Variants in TMX4 observed in about 807,000 individuals in gnomAD.
TMX4 encodes the protein thioredoxin-related transmembrane protein 4.
A neutral mutation model predicts 33.3 loss-of-function variants in TMX4; 23 were observed. The observed-to-expected ratio is 0.69, with a 90% CI of 0.50 to 0.98. The LOEUF (loss-of-function observed/expected upper bound fraction) is 0.98, where lower values mean the gene tolerates loss of function less well. Among genes scored for constraint, TMX4 ranks in the 50% least tolerant of loss-of-function variants. The pLI is 0.00. For missense variants in TMX4, 399 were observed against 448.9 expected (o/e 0.89, Z 1.01); for synonymous variants, 164 against 161.5 (o/e 1.02, Z -0.12).
chr20:7,999,993 A>G, intron 3 of TMX4, 133 bp from the exon 4 acceptor site: 3 of 904,330 alleles, frequency 3.3e-6, no homozygotes, highest in Middle Eastern at 5.9e-4. Flanking sequence ...TGAAAAATAT[A>G]CATAGAGATA....
At position 8,018,524 on chromosome 20, in the gene TMX4, G is replaced by GCTC. The variant is rs767056731; in HGVS notation, c.176+913_176+914insGAG. ...AGAGAGAGAGAGAGAGAGAGAGAGAGAGAGTCTGCAAGCCCACCATGATGG... is the reference window on the plus strand; with the variant it reads ...AGAGAGAGAGAGAGAGAGAGAGAGAGCTCAGAGTCTGCAAGCCCACCATGATGG... On this transcript the variant is annotated intron_variant, in intron 1 of 7. Transcript: ENST00000246024. Among the ~76,000 whole-genome samples, 19 of 45,334 alleles carry GCTC rather than the reference G, an allele frequency of 4.2e-4. 5 individuals carry two copies. The highest frequency in any genetic ancestry group is 3.1e-3 in the African/African-American group (11 of 3,532). 29.7% of individuals were successfully genotyped at this position (45,334 alleles called of 152,430 possible). A position where few individuals can be genotyped will look rare whatever the true frequency, so the allele number is the denominator to read the frequency against.
At chr20:7,986,685 GATAA>G (rs1309729832) in intron 6 of TMX4, among the ~76,000 whole-genome samples, 1 of 152,152 alleles carries the variant, frequency 6.6e-6, no homozygotes, top group Non-Finnish European at 1.5e-5. Context: ...TATGTAGTTA[GATAA>G]ATAAATTTAT....
chr20:8,017,325 CT>C (rs1301169355), intron 1 of TMX4, among the ~76,000 whole-genome samples: 2 of 152,302 alleles, frequency 1.3e-5, no homozygotes, highest in African/African-American at 4.8e-5. Context: ...CTAAAATGAC[CT>C]TGTGTCTACA....
At chr20:7,988,707 T>G (rs1011011291) in intron 5 of TMX4, among the ~76,000 whole-genome samples, 1 of 152,194 alleles carries the variant, frequency 6.6e-6, no homozygotes, top group Non-Finnish European at 1.5e-5. Flanking sequence ...CATCAGTGTG[T>G]GTTTAGCCAG....
intron 2 of TMX4, among the ~76,000 whole-genome samples, chr20:8,002,430 A>T (rs1423085075): frequency 6.6e-6 from 1 of 152,216 alleles, no homozygotes; most frequent in African/African-American, 2.4e-5. Context: ...ATGCAAAAAA[A>T]TGCTGAATGA....
intron 1 of TMX4, among the ~76,000 whole-genome samples, chr20:8,013,289 C>T (rs1258057181): frequency 3.3e-5 from 5 of 152,172 alleles, no homozygotes; most frequent in Admixed American, 6.5e-5. Flanking sequence ...CCTGCCATAA[C>T]TTTGTCTCTT....
chr20:7,987,146 C>G (rs1019529623), intron 6 of TMX4, 142 bp downstream of exon 6: 10 of 616,444 alleles, frequency 1.6e-5, no homozygotes, highest in Non-Finnish European at 2.8e-5. Flanking sequence ...TGAAAGCAGT[C>G]TCAAACAAGC....
chr20:8,011,531 CA>C, intron 1 of TMX4, among the ~76,000 whole-genome samples: 1 of 149,992 alleles, frequency 6.7e-6, no homozygotes, highest in Non-Finnish European at 1.5e-5. Flanking sequence ...AATAACAAAA[CA>C]AAAAACAAAA....
rs79221300 is a variant in TMX4, at chr20:8,009,622, T to C, written c.292+578A>G. On this transcript the variant is annotated intron_variant, in intron 2 of 7. Transcript: ENST00000246024. ...ATCTTAGAAGTACTCTTGCCATAAA[T>C]GTCTAAGCTAAATCATGCACCTAAA... is the stretch of plus-strand genomic sequence containing the variant. Among the ~76,000 whole-genome samples the C allele has an allele frequency of 3.0e-3, 450 of 152,238 alleles. 1 individual carries two copies. The highest frequency in any genetic ancestry group is 0.01 in the African/African-American group (432 of 41,564).
chr20:7,977,886 G>C lies in TMX4; in HGVS notation c.*4365C>G, dbSNP rs1288004011. 2 of 152,176 alleles carry C rather than the reference G, an allele frequency of 1.3e-5. No homozygotes were observed. The highest frequency in any genetic ancestry group is 4.8e-5 in the African/African-American group (2 of 41,448). 9.4% of individuals were successfully genotyped at this position (152,176 alleles called of 1,614,324 possible). ...TTACTGAGAATAAGCCATCTGAAGG[G>C]CATGTCCCGGGCTGAAGCGATCAAA... On this transcript the variant is annotated 3_prime_UTR_variant, in exon 8 of 8. Transcript: ENST00000246024.
At position 7,985,987 on chromosome 20, in the gene TMX4, C is replaced by T. The variant is rs2050629553; in HGVS notation, c.615+1301G>A. 2.0e-5 allele frequency among the ~76,000 whole-genome samples: 3 copies of T among 152,326 alleles called. No homozygotes were observed. The South Asian group carries it at 6.2e-4, about 32-fold the overall frequency. ...CACACACAACCTACATTCCCTATAACTCCATCATTGACTCGCCTGGGACCT... is the reference window on the plus strand; with the variant it reads ...CACACACAACCTACATTCCCTATAATTCCATCATTGACTCGCCTGGGACCT... On this transcript the variant is annotated intron_variant, in intron 6 of 7. Coordinates refer to ENST00000246024, the MANE Select transcript of TMX4 (RefSeq NM_021156.4).
At position 7,979,759 on chromosome 20, in the gene TMX4, T is replaced by C. The variant is rs1484549642; in HGVS notation, c.*2492A>G. ...TCTCAAAAAAAAAAAAAAAAGAAAA[T>C]ACATTTTTCTTATTATATAATTAGA... On this transcript the variant is annotated 3_prime_UTR_variant, in exon 8 of 8. Transcript: ENST00000246024. 7.0e-6 allele frequency: 1 copy of C among 143,738 alleles called. No individual in the cohort carries two copies. The highest frequency in any genetic ancestry group is 2.6e-5 in the African/African-American group (1 of 38,826). 8.9% of individuals were successfully genotyped at this position (143,738 alleles called of 1,614,324 possible).
intron 1 of TMX4, among the ~76,000 whole-genome samples, chr20:8,018,338 AGAGAG>A (rs1248312399): frequency 6.1e-5 from 7 of 114,048 alleles, no homozygotes; most frequent in African/African-American, 2.4e-4. Context: ...AGAGAGAGAG[AGAGAG>A]AGGAGGGAGA....
At chr20:7,993,882 TC>T (rs900559912) in intron 5 of TMX4, among the ~76,000 whole-genome samples, 2 of 152,004 alleles carry the variant, frequency 1.3e-5, no homozygotes, top group African/African-American at 4.8e-5. Flanking sequence ...CACCCTACAA[TC>T]AGGACAAATG....
intron 5 of TMX4, among the ~76,000 whole-genome samples, chr20:7,994,477 T>C (rs988471156): frequency 6.6e-6 from 1 of 152,202 alleles, no homozygotes; most frequent in Non-Finnish European, 1.5e-5. Flanking sequence ...TGTAACTCCT[T>C]ATTTAAACTT....
In TMX4 at chr20:7,979,893, C is replaced by T. The variant is rs1258268901; in HGVS notation, c.*2358G>A. 6.6e-6 allele frequency: 1 copy of T among 151,696 alleles called. No individual in the cohort carries two copies. Among genetic ancestry groups the T allele is most frequent in the African/African-American group, 2.4e-5 (1 of 41,254 alleles). 9.4% of individuals were successfully genotyped at this position (151,696 alleles called of 1,614,324 possible). ...ATAATGAGGTATCTTGGGAGTAGACCCAAGTCTAAACACAAAATTCATTTG... is the reference window on the plus strand; with the variant it reads ...ATAATGAGGTATCTTGGGAGTAGACTCAAGTCTAAACACAAAATTCATTTG... On this transcript the variant is annotated 3_prime_UTR_variant, in exon 8 of 8. Coordinates refer to ENST00000246024, the MANE Select transcript of TMX4 (RefSeq NM_021156.4).
chr20:8,016,306 A>AG (rs1394906223), intron 1 of TMX4, among the ~76,000 whole-genome samples: 1 of 152,178 alleles, frequency 6.6e-6, no homozygotes, highest in African/African-American at 2.4e-5. Context: ...CGGGAGGCAG[A>AG]GGGTACACTG....
rs1187246117 is a variant in TMX4 at position 7,982,074 on chromosome 20, C to G, written c.*177G>C. The G allele has an allele frequency of 1.6e-6, 1 of 637,738 alleles. No individual in the cohort carries two copies. The highest frequency in any genetic ancestry group is 2.7e-6 in the Non-Finnish European group (1 of 376,162). The allele number at this position is 637,738 out of a possible 1,614,324, so 39.5% of individuals were successfully genotyped here. On this transcript the variant is annotated 3_prime_UTR_variant, in exon 8 of 8. Coordinates refer to ENST00000246024, the MANE Select transcript of TMX4 (RefSeq NM_021156.4). ...TTTTTCTATATCCTGATTGTCACAC[C>G]TGGAAGACTCTCCTTAGTATACATG...
intron 2 of TMX4, 131 bp downstream of exon 2, chr20:8,010,069 A>G: frequency 1.6e-6 from 1 of 623,052 alleles, no homozygotes; most frequent in Non-Finnish European, 2.8e-6. Flanking sequence ...AAAAAATGTA[A>G]TCTGCTACTT....
Sources: allele counts gnomAD v4.1 joint callset (sites outside exome capture counted in the v4.1 genomes callset), GRCh38; gene constraint gnomAD v4.1.1; transcripts MANE v1.5; gene names NCBI Gene and HGNC (gene_info 2026-07-23, HGNC 2026-07-21).